TSPAN5: variants seen among roughly 807,000 people sequenced by gnomAD.
TSPAN5 encodes the protein tetraspanin-5.
TSPAN5 carries 10 observed loss-of-function variants against 37.1 expected under a neutral mutation model. The ratio of observed to expected loss-of-function variants is 0.27; its 90% CI spans 0.17 to 0.46. The LOEUF (loss-of-function observed/expected upper bound fraction) is 0.46, where lower values mean the gene tolerates loss of function less well. Ranked by LOEUF, TSPAN5 falls within the 20% of genes least tolerant of loss-of-function variation. The pLI is 1.00. For missense variants in TSPAN5, 195 were observed against 326.6 expected, an observed-to-expected ratio of 0.60 and a Z score of 3.11; for synonymous variants, 110 against 118.9, an observed-to-expected ratio of 0.93 and a Z score of 0.48.
In TSPAN5 at chr4:98,533,543, C is replaced by CTTTTT. The variant is rs576852948; in HGVS notation, c.82-25820_82-25816dup. Among the ~76,000 whole-genome samples the CTTTTT allele has an allele frequency of 2.3e-3, 135 of 58,576 alleles. 13 individuals carry two copies. The highest frequency in any genetic ancestry group is 0.015 in the South Asian group (11 of 750). 38.4% of individuals were successfully genotyped at this position (58,576 alleles called of 152,430 possible). The stretch of plus-strand genomic sequence containing the variant: ...GGATTGGTGGTGATATCCCCTATAT[C>CTTTTT]TTTTTTTTTTTTTTTTTTTTTTCTT... On this transcript the variant is annotated intron_variant, in intron 1 of 7. Coordinates refer to ENST00000305798, the MANE Select transcript of TSPAN5 (RefSeq NM_005723.4).
chr4:98,572,658 T>C (rs1380233553), intron 1 of TSPAN5, among the ~76,000 whole-genome samples: 1 of 152,278 alleles, frequency 6.6e-6, no homozygotes, highest in East Asian at 1.9e-4. Flanking sequence ...CTCAGCTATC[T>C]GAAAAGTTAG....
At chr4:98,614,823 G>A (rs771891368) in intron 1 of TSPAN5, among the ~76,000 whole-genome samples, 3 of 152,122 alleles carry the variant, frequency 2.0e-5, no homozygotes, top group South Asian at 2.1e-4. Flanking sequence ...GTGACTAAAC[G>A]TACAAGTTCA....
At chr4:98,615,094 G>C (rs1756291725) in intron 1 of TSPAN5, among the ~76,000 whole-genome samples, 1 of 152,140 alleles carries the variant, frequency 6.6e-6, no homozygotes, top group African/African-American at 2.4e-5. Flanking sequence ...CCTTGGATCG[G>C]GAACCACGTG....
Position 98,549,087 on chromosome 4 carries a change from C to T in TSPAN5, c.82-41359G>A, listed in dbSNP as rs846006. Among the ~76,000 whole-genome samples, 221 of 152,190 alleles carry T rather than the reference C, an allele frequency of 1.5e-3. 6 individuals carry two copies. In the East Asian group the frequency reaches 0.042, roughly 29 times the overall value. On this transcript the variant is annotated intron_variant, in intron 1 of 7. Coordinates refer to ENST00000305798, the MANE Select transcript of TSPAN5 (RefSeq NM_005723.4). Reference sequence around the variant, plus strand: ...ATACCGGAAATGGGATTGCTAGATCCAACGGTAGTTCTATTTTTAGTTGAG... The same window carrying T: ...ATACCGGAAATGGGATTGCTAGATCTAACGGTAGTTCTATTTTTAGTTGAG...
In TSPAN5 at chr4:98,486,724, A is replaced by T; in HGVS notation, c.279+14T>A. The T allele has an allele frequency of 6.2e-7, 1 of 1,613,954 alleles. No individual in the cohort carries two copies. The highest frequency in any genetic ancestry group is 8.5e-7 in the Non-Finnish European group (1 of 1,179,904). ...TTTGGCTCTCAATCTGAGAGTAGAG[A>T]GTGGAATACTTACAAACTTGAGAAG... On this transcript the variant is annotated intron_variant, in intron 3 of 7. Coordinates refer to ENST00000305798, the MANE Select transcript of TSPAN5 (RefSeq NM_005723.4).
chr4:98,619,442 C>G (rs1387048538), intron 1 of TSPAN5, among the ~76,000 whole-genome samples: 1 of 152,188 alleles, frequency 6.6e-6, no homozygotes, highest in Non-Finnish European at 1.5e-5. Flanking sequence ...GCTGCACAAG[C>G]TTGTGATGTT....
At position 98,639,312 on chromosome 4, in the gene TSPAN5, TTCTAA is replaced by T. The variant is rs368308750; in HGVS notation, c.81+18829_81+18833del. Among the ~76,000 whole-genome samples the T allele has an allele frequency of 4.8e-4, 73 of 152,246 alleles. No individual in the cohort carries two copies. The East Asian group carries it at 0.01, about 21-fold the overall frequency. On this transcript the variant is annotated intron_variant, in intron 1 of 7. Transcript: ENST00000305798. Reference sequence around the variant, plus strand: ...TGATCTTATCTATGTTATCTATCTATTCTAATCTAATCTAATCTAATCTGAGACAA... The same window carrying T: ...TGATCTTATCTATGTTATCTATCTATTCTAATCTAATCTAATCTGAGACAA...
chr4:98,616,553 C>A (rs892343601), intron 1 of TSPAN5, among the ~76,000 whole-genome samples: 5 of 152,296 alleles, frequency 3.3e-5, no homozygotes, highest in Non-Finnish European at 7.4e-5. Flanking sequence ...GCAAGATGAA[C>A]AAAGCACAGC....
intron 1 of TSPAN5, among the ~76,000 whole-genome samples, chr4:98,556,040 C>T (rs1290664889): frequency 1.8e-5 from 2 of 113,344 alleles, no homozygotes; most frequent in Non-Finnish European, 3.5e-5. Context: ...ACACAGCACC[C>T]CCACACACAC....
At position 98,472,536 on chromosome 4, in the gene TSPAN5, T is replaced by C; in HGVS notation, c.793A>G (p.Arg265Gly). The C allele has an allele frequency of 6.2e-7, 1 of 1,614,012 alleles. No homozygotes were observed. The highest frequency in any genetic ancestry group is 8.5e-7 in the Non-Finnish European group (1 of 1,179,976). ...QNLVSDIEAV[R>G]ASW ...TTGCAGGGGGTCTACCAGCTCGCCC[T>C]GACAGCTTCGATATCGCTAACCAAA... Residue 265 changes from arginine to glycine, a missense_variant, in exon 8 of 8, where the codon AGG (arginine) becomes GGG (glycine). Arg to Gly is a moderately radical substitution (Grantham distance 125). Coordinates refer to ENST00000305798, the MANE Select transcript of TSPAN5 (RefSeq NM_005723.4).
chr4:98,519,600 C>A (rs1753809989), intron 1 of TSPAN5, among the ~76,000 whole-genome samples: 1 of 152,288 alleles, frequency 6.6e-6, no homozygotes, highest in Admixed American at 6.5e-5. Context: ...AAGAAAACGT[C>A]CCAGTTTTTA....
In TSPAN5 at chr4:98,658,565, C is replaced by T. The variant is rs577283375; in HGVS notation, c.-339G>A. The T allele has an allele frequency of 4.6e-4, 76 of 164,948 alleles. No homozygotes were observed. The highest frequency in any genetic ancestry group is 1.8e-3 in the African/African-American group (75 of 42,028). The allele number at this position is 164,948 out of a possible 1,614,324, so 10.2% of individuals were successfully genotyped here. A position where few individuals can be genotyped will look rare whatever the true frequency, so the allele number is the denominator to read the frequency against. The stretch of plus-strand genomic sequence containing the variant: ...GGTCCGTCGGTTCGTCCCCGGGCTT[C>T]GGGCAAAGGCGGCCGCGGCAGATGC... On this transcript the variant is annotated 5_prime_UTR_variant, in exon 1 of 8. Transcript: ENST00000305798.
chr4:98,565,217 C>T (rs1187113020), intron 1 of TSPAN5, among the ~76,000 whole-genome samples: 7 of 152,056 alleles, frequency 4.6e-5, no homozygotes, highest in African/African-American at 1.7e-4. Context: ...GGTGTTTTTC[C>T]CCCTTGTTCC....
Position 98,472,590 on chromosome 4 carries a change from G to A in TSPAN5, c.742-3C>T, listed in dbSNP as rs747084383. On this transcript the variant is annotated splice_polypyrimidine_tract_variant and splice_region_variant and intron_variant, in intron 7 of 7. Transcript: ENST00000305798. ...TGGGCCAGGCATATCCCAAATATCT[G>A]AGAAAGGAAGAAAATGTGAGTGAAA... is the stretch of plus-strand genomic sequence containing the variant. 5.0e-6 allele frequency: 8 copies of A among 1,612,796 alleles called. No homozygotes were observed. Among genetic ancestry groups the A allele is most frequent in the Middle Eastern group, 1.7e-4 (1 of 6,060 alleles).
intron 1 of TSPAN5, among the ~76,000 whole-genome samples, chr4:98,618,849 A>G (rs1756408182): frequency 1.3e-5 from 2 of 152,170 alleles, no homozygotes; most frequent in South Asian, 4.1e-4. Context: ...GGAAATTGGC[A>G]CTCATCTAAC....
chr4:98,510,771 G>A (rs1487290385), intron 1 of TSPAN5, among the ~76,000 whole-genome samples: 9 of 152,142 alleles, frequency 5.9e-5, no homozygotes, highest in Admixed American at 3.9e-4. Context: ...TGAAGTTAAG[G>A]GAAACACTCA....
chr4:98,472,391 G>A lies in TSPAN5; in HGVS notation c.*131C>T. 1.5e-6 allele frequency: 1 copy of A among 661,246 alleles called. No individual in the cohort carries two copies. Among genetic ancestry groups the A allele is most frequent in the Non-Finnish European group, 2.5e-6 (1 of 392,340 alleles). 41.0% of individuals were successfully genotyped at this position (661,246 alleles called of 1,614,324 possible). On this transcript the variant is annotated 3_prime_UTR_variant, in exon 8 of 8. Coordinates refer to ENST00000305798, the MANE Select transcript of TSPAN5 (RefSeq NM_005723.4). ...TTCCCAGTTTTACACTCCCCTAATG[G>A]CAGCTCCATTAGGCGAGACTGCAGG...
chr4:98,582,744 C>T (rs1293585283), intron 1 of TSPAN5, among the ~76,000 whole-genome samples: 4 of 152,192 alleles, frequency 2.6e-5, no homozygotes, highest in African/African-American at 9.7e-5. Flanking sequence ...ACACTAAGTT[C>T]TTCCTCAATG....
Position 98,617,810 on chromosome 4 carries a change from A to G in TSPAN5, c.81+40336T>C, listed in dbSNP as rs563960973. Among the ~76,000 whole-genome samples, 185 of 152,252 alleles carry G rather than the reference A, an allele frequency of 1.2e-3. 1 individual carries two copies. The highest frequency in any genetic ancestry group is 6.8e-3 in the Middle Eastern group (2 of 294). On this transcript the variant is annotated intron_variant, in intron 1 of 7. Coordinates refer to ENST00000305798, the MANE Select transcript of TSPAN5 (RefSeq NM_005723.4). ...CCAGCTGAGTAGCAGCAGCTGCCCCAAAGACATCACCCTAGGACCTCACTT... is the reference window on the plus strand; with the variant it reads ...CCAGCTGAGTAGCAGCAGCTGCCCCGAAGACATCACCCTAGGACCTCACTT...
Sources: gnomAD v4.1 joint callset for allele counts (sites outside exome capture counted in the v4.1 genomes callset) on GRCh38, gnomAD v4.1.1 for gene constraint, MANE v1.5 for transcripts, NCBI Gene and HGNC (gene_info 2026-07-23, HGNC 2026-07-21) for gene names.